LIPA: variants seen among roughly 807,000 people sequenced by gnomAD.
The protein encoded by LIPA is lysosomal acid lipase/cholesteryl ester hydrolase.
LIPA carries 26 observed loss-of-function variants against 40.6 expected under a neutral mutation model. That is an observed-to-expected ratio of 0.64 (90% CI 0.47 to 0.89). LIPA has a LOEUF of 0.89. Among genes scored for constraint, LIPA ranks in the 40% least tolerant of loss-of-function variants. The pLI is 0.00. For synonymous variants in LIPA, 188 were observed against 168.4 expected, an observed-to-expected ratio of 1.12 and a Z score of -0.90; for missense variants, 455 against 479.6, an observed-to-expected ratio of 0.95 and a Z score of 0.48.
intron 2 of LIPA, among the ~76,000 whole-genome samples, chr10:89,364,633 G>T (rs998960185): frequency 6.7e-6 from 1 of 149,656 alleles, no homozygotes; most frequent in Admixed American, 6.7e-5. Context: ...TAGTTCTAAA[G>T]TATTCATATA....
chr10:89,319,978 C>T (rs1589599865), intron 1 of LIPA, among the ~76,000 whole-genome samples: 1 of 152,192 alleles, frequency 6.6e-6, no homozygotes, highest in South Asian at 2.1e-4. Context: ...ACATGATTAT[C>T]TCAATAGATG....
At chr10:89,402,696 A>G (rs1452648518) in intron 2 of LIPA, 2 of 1,614,246 alleles carry the variant, frequency 1.2e-6, no homozygotes, top group South Asian at 2.2e-5. Context: ...GTGTCCAGAA[A>G]TAGACTGTGA....
intron 2 of LIPA, among the ~76,000 whole-genome samples, chr10:89,354,398 G>A (rs921996068): frequency 1.3e-5 from 2 of 152,158 alleles, no homozygotes; most frequent in African/African-American, 4.8e-5. Flanking sequence ...TCTCCTAAGG[G>A]CAATGTCATG....
At position 89,373,732 on chromosome 10, in the gene LIPA, A is replaced by G. The variant is rs75909058; in HGVS notation, c.61+39059T>C. The stretch of plus-strand genomic sequence containing the variant: ...AAGCATTTGGACCTGAAAGGGATCC[A>G]GGGATCATTTGGAAAAGTATCTGTG... On this transcript the variant is annotated intron_variant, in intron 2 of 8. Coordinates refer to the LIPA transcript ENST00000371837. Among the ~76,000 whole-genome samples the G allele has an allele frequency of 2.3e-4, 35 of 152,370 alleles. No individual in the cohort carries two copies. In the East Asian group the frequency reaches 6.7e-3, roughly 29 times the overall value.
At chr10:89,295,159 G>A (rs568552011) in intron 1 of LIPA, among the ~76,000 whole-genome samples, 2 of 151,092 alleles carry the variant, frequency 1.3e-5, no homozygotes, top group South Asian at 2.1e-4. Context: ...CATTTTAAAC[G>A]TGTATTTGTG....
In LIPA at chr10:89,230,914, T is replaced by C. The variant is rs1289322740; in HGVS notation, c.230-2516A>G. Among the ~76,000 whole-genome samples, 4 of 152,334 alleles carry C rather than the reference T, an allele frequency of 2.6e-5. No homozygotes were observed. The Middle Eastern group carries it at 0.01, about 389-fold the overall frequency. Reference sequence around the variant, plus strand: ...TAAGTGAGGTAAGTATCCAGTATAGTGACTGACACACGGGTCACAGTGAAC... The same window carrying C: ...TAAGTGAGGTAAGTATCCAGTATAGCGACTGACACACGGGTCACAGTGAAC... On this transcript the variant is annotated intron_variant, in intron 3 of 9. Coordinates refer to ENST00000336233, the MANE Select transcript of LIPA (RefSeq NM_000235.4).
intron 1 of LIPA, among the ~76,000 whole-genome samples, chr10:89,335,846 C>T (rs1198791714): frequency 1.3e-5 from 2 of 152,192 alleles, no homozygotes; most frequent in Non-Finnish European, 2.9e-5. Context: ...AGTGGCATAA[C>T]AGATATAAGC....
At chr10:89,319,603 A>T (rs1277173437) in intron 1 of LIPA, among the ~76,000 whole-genome samples, 2 of 152,252 alleles carry the variant, frequency 1.3e-5, no homozygotes, top group African/African-American at 4.8e-5. Flanking sequence ...CCATGACCAG[A>T]TGGATTCACA....
rs146691825 is a variant in LIPA at position 89,286,484 on chromosome 10, T to C, written c.-1-38835A>G. ...AGCCCTCCCGGACCTGCCCAGCAAT[T>C]TCCTCTTAAAAAGGTGGCTGGAGCT... On this transcript the variant is annotated intron_variant, in intron 1 of 5. Transcript: ENST00000282673. Among the ~76,000 whole-genome samples the C allele has an allele frequency of 1.5e-3, 228 of 152,286 alleles. 2 individuals are homozygous for C. In the East Asian group the frequency reaches 0.022, roughly 15 times the overall value.
intron 1 of LIPA, among the ~76,000 whole-genome samples, chr10:89,280,466 G>C (rs939663201): frequency 6.6e-6 from 1 of 152,188 alleles, no homozygotes; most frequent in Non-Finnish European, 1.5e-5. Flanking sequence ...AACACAGCTG[G>C]ATTACATTTC....
At chr10:89,384,727 C>T (rs779475435) in intron 2 of LIPA, 23 of 1,605,900 alleles carry the variant, frequency 1.4e-5, no homozygotes, top group Non-Finnish European at 1.9e-5. Context: ...TGACCTGAAC[C>T]CTATATTTTA....
intron 3 of LIPA, among the ~76,000 whole-genome samples, chr10:89,229,374 TA>T (rs1251902695): frequency 2.6e-5 from 4 of 152,218 alleles, no homozygotes; most frequent in African/African-American, 9.6e-5. Flanking sequence ...TTCAGGGCAG[TA>T]AGACTACTCT....
intron 2 of LIPA, among the ~76,000 whole-genome samples, chr10:89,348,396 A>T (rs1324106176): frequency 6.6e-6 from 1 of 152,222 alleles, no homozygotes; most frequent in Admixed American, 6.5e-5. Flanking sequence ...AGATCTTTCA[A>T]CTGGAAAAAG....
chr10:89,260,328 C>A (rs1321530839), intron 1 of LIPA, among the ~76,000 whole-genome samples: 2 of 152,188 alleles, frequency 1.3e-5, no homozygotes, highest in East Asian at 3.8e-4. Flanking sequence ...ATAGGCCACT[C>A]TCCTAAGGGT....
chr10:89,413,638 A>G (rs1466928541), intron 1 of LIPA, among the ~76,000 whole-genome samples: 29 of 152,100 alleles, frequency 1.9e-4, no homozygotes, highest in Non-Finnish European at 1.5e-5. Flanking sequence ...ATAGTGGTGC[A>G]CGCATATAGT....
At position 89,348,265 on chromosome 10, in the gene LIPA, T is replaced by A. The variant is rs567754418; in HGVS notation, c.61+64526A>T. Among the ~76,000 whole-genome samples the A allele has an allele frequency of 2.0e-5, 3 of 152,230 alleles. No individual in the cohort carries two copies. In the South Asian group the frequency reaches 6.2e-4, roughly 31 times the overall value. ...TTCTGAAAAACAAAAAGATTGTTAATGACTTCCTCTCCTTTATGCCTCCCT... is the reference window on the plus strand; with the variant it reads ...TTCTGAAAAACAAAAAGATTGTTAAAGACTTCCTCTCCTTTATGCCTCCCT... On this transcript the variant is annotated intron_variant, in intron 2 of 8. Coordinates refer to the LIPA transcript ENST00000371837.
intron 2 of LIPA, chr10:89,412,725 G>C (rs1234895567): frequency 9.2e-6 from 4 of 436,400 alleles, no homozygotes; most frequent in Non-Finnish European, 1.8e-5. Flanking sequence ...CCACCTTTAA[G>C]ATCTGTAACA....
intron 1 of LIPA, chr10:89,314,688 G>A (rs1251337775): frequency 2.0e-5 from 3 of 152,144 alleles, no homozygotes. Context: ...AGAATAGTAT[G>A]AATTTCTTAA....
At chr10:89,246,266 G>A (rs1843023853) in intron 2 of LIPA, among the ~76,000 whole-genome samples, 1 of 152,076 alleles carries the variant, frequency 6.6e-6, no homozygotes, top group Non-Finnish European at 1.5e-5. Flanking sequence ...ATGTCAAGGT[G>A]GGATGGAAGA....
Sources: allele counts gnomAD v4.1 joint callset (sites outside exome capture counted in the v4.1 genomes callset), GRCh38; gene constraint gnomAD v4.1.1; transcripts MANE v1.5; gene names NCBI Gene and HGNC (gene_info 2026-07-23, HGNC 2026-07-21).